EIF4E3: variants seen among roughly 807,000 people sequenced by gnomAD.
EIF4E3 encodes the protein eukaryotic translation initiation factor 4E type 3.
Under a neutral mutation model 31.7 loss-of-function variants are expected in EIF4E3, and 26 were observed. That is an observed-to-expected ratio of 0.82 (90% CI 0.60 to 1.14). The LOEUF (loss-of-function observed/expected upper bound fraction) is 1.14, where lower values mean the gene tolerates loss of function less well. Ranked by LOEUF, EIF4E3 falls within the 50% of genes most tolerant of loss-of-function variation. EIF4E3 has a pLI of 0.00. For missense variants in EIF4E3, 304 were observed against 270.9 expected (o/e 1.12, Z -0.86); for synonymous variants, 128 against 107.7 (o/e 1.19, Z -1.17).
At chr3:71,724,408 C>T (rs1228953901) in intron 1 of EIF4E3, among the ~76,000 whole-genome samples, 1 of 152,138 alleles carries the variant, frequency 6.6e-6, no homozygotes, top group African/African-American at 2.4e-5. Context: ...AATCCAGCTG[C>T]ATTAAGCATT....
the EIF4E3 span, among the ~76,000 whole-genome samples, chr3:71,669,331 C>A: frequency 6.6e-6 from 1 of 152,172 alleles, no homozygotes; most frequent in South Asian, 2.1e-4. Flanking sequence ...TAGCAAACCA[C>A]CATGGCACAT....
intron 1 of EIF4E3, among the ~76,000 whole-genome samples, chr3:71,746,435 G>A (rs553965475): frequency 6.6e-5 from 10 of 152,284 alleles, no homozygotes; most frequent in Admixed American, 2.0e-4. Flanking sequence ...CCCAAAGCAC[G>A]TAAACGTTAA....
At chr3:71,684,802 C>A in intron 6 of EIF4E3, 74 bp from the exon 7 acceptor site, 2 of 1,482,022 alleles carry the variant, frequency 1.3e-6, no homozygotes, top group Non-Finnish European at 1.8e-6. Context: ...CAACCCTCCT[C>A]TAGGCATCTC....
chr3:71,685,642 C>A (rs1324228661), intron 6 of EIF4E3, among the ~76,000 whole-genome samples: 2 of 152,154 alleles, frequency 1.3e-5, no homozygotes, highest in Non-Finnish European at 2.9e-5. Context: ...GGATTATAGG[C>A]GTGAGCCACC....
intron 1 of EIF4E3, among the ~76,000 whole-genome samples, chr3:71,738,655 A>C (rs1366390875): frequency 6.6e-6 from 1 of 152,166 alleles, no homozygotes. Context: ...CTCAAAATAC[A>C]TGAAGCAAAA....
Position 71,725,301 on chromosome 3 carries a change from C to A in EIF4E3, c.67G>T (p.Ala23Ser). The A allele has an allele frequency of 1.0e-6, 1 of 993,224 alleles. No homozygotes were observed. Among genetic ancestry groups the A allele is most frequent in the Non-Finnish European group, 1.2e-6 (1 of 835,304 alleles). 61.5% of individuals were successfully genotyped at this position (993,224 alleles called of 1,614,324 possible). A position where few individuals can be genotyped will look rare whatever the true frequency, so the allele number is the denominator to read the frequency against. ...AREPPGSRAA[A>S]AAAAPEPPLG... ...GGCGGCTCGGGGGCGGCGGCAGCGG[C>A]GGCGGCGCGGGACCCCGGCGGCTCC... Residue 23 changes from alanine (A) to serine (S), a missense_variant, in exon 1 of 7, where the codon GCC (alanine) becomes TCC (serine). Ala to Ser is a moderately conservative substitution (Grantham distance 99). Coordinates refer to ENST00000425534, the MANE Select transcript of EIF4E3 (RefSeq NM_001134651.2). This position sits in a 1 kb window ranked among gnomAD's most constrained non-coding sequence, Gnocchi z 6.1.
intron 1 of EIF4E3, among the ~76,000 whole-genome samples, chr3:71,745,776 G>C (rs1260505395): frequency 6.6e-6 from 1 of 152,166 alleles, no homozygotes; most frequent in South Asian, 2.1e-4. Flanking sequence ...TTAACCACTA[G>C]AGAGAGTTTA....
At chr3:71,728,605 GA>G, upstream of EIF4E3, 1 of 153,016 alleles carries the variant, frequency 6.5e-6, no homozygotes, top group Non-Finnish European at 1.5e-5. Context: ...GAGAGGAAGA[GA>G]AGGTGACCCC....
chr3:71,738,907 C>T (rs2049791224), intron 1 of EIF4E3, among the ~76,000 whole-genome samples: 1 of 145,420 alleles, frequency 6.9e-6, no homozygotes, highest in South Asian at 2.2e-4. Flanking sequence ...TAAAACAAAA[C>T]TTAACAAATG....
intron 4 of EIF4E3, among the ~76,000 whole-genome samples, chr3:71,694,974 T>C (rs536873450): frequency 4.7e-4 from 72 of 152,312 alleles, no homozygotes; most frequent in African/African-American, 1.5e-3. Context: ...TAATAGTGTG[T>C]ATTATTATGT....
Position 71,678,311 on chromosome 3 carries a change from G to A in EIF4E3, c.*6371C>T, listed in dbSNP as rs913674542. Reference sequence around the variant, plus strand: ...AGATTACAAAAGATCTCAAAATAAAGTTCTACAAACTAACACTTAAACAAA... The same window carrying A: ...AGATTACAAAAGATCTCAAAATAAAATTCTACAAACTAACACTTAAACAAA... On this transcript the variant is annotated 3_prime_UTR_variant, in exon 7 of 7. Coordinates refer to ENST00000425534, the MANE Select transcript of EIF4E3 (RefSeq NM_001134651.2). 1 of 152,104 alleles carries A rather than the reference G, an allele frequency of 6.6e-6. No homozygotes were observed. The highest frequency in any genetic ancestry group is 2.4e-5 in the African/African-American group (1 of 41,426). The allele number at this position is 152,104 out of a possible 1,614,324, so 9.4% of individuals were successfully genotyped here. A position where few individuals can be genotyped will look rare whatever the true frequency, so the allele number is the denominator to read the frequency against.
chr3:71,738,775 C>A (rs142259474), intron 1 of EIF4E3, among the ~76,000 whole-genome samples: 78 of 151,738 alleles, frequency 5.1e-4, no homozygotes, highest in African/African-American at 1.8e-3. Context: ...CAAGGATATA[C>A]AAGAAATGAA....
chr3:71,733,744 T>C (rs750312652), intron 1 of EIF4E3, among the ~76,000 whole-genome samples: 2 of 152,216 alleles, frequency 1.3e-5, no homozygotes, highest in Non-Finnish European at 2.9e-5. Context: ...CATTAAAGTG[T>C]AGATTGAAAT....
At chr3:71,665,824 C>T in the EIF4E3 span, among the ~76,000 whole-genome samples, 17 of 152,256 alleles carry the variant, frequency 1.1e-4, 1 homozygote, top group South Asian at 2.9e-3. Flanking sequence ...TACATGGAAA[C>T]GGAACAACCT....
the EIF4E3 span, among the ~76,000 whole-genome samples, chr3:71,659,683 AG>A: frequency 1.3e-5 from 2 of 152,204 alleles, no homozygotes; most frequent in African/African-American, 4.8e-5. Context: ...AAAACAATAA[AG>A]GTTCACCAAT....
In EIF4E3 at chr3:71,679,319, C is replaced by G. The variant is rs146280003; in HGVS notation, c.*5363G>C. On this transcript the variant is annotated 3_prime_UTR_variant, in exon 7 of 7. Coordinates refer to ENST00000425534, the MANE Select transcript of EIF4E3 (RefSeq NM_001134651.2). The stretch of plus-strand genomic sequence containing the variant: ...GTTCAGTTCTATAATGCAAAGTTGA[C>G]ACTTTAATAGATCCGAAATAAACAT... 52 of 152,272 alleles carry G rather than the reference C, an allele frequency of 3.4e-4. No individual in the cohort carries two copies. In the East Asian group the frequency reaches 8.1e-3, roughly 24 times the overall value. 9.4% of individuals were successfully genotyped at this position (152,272 alleles called of 1,614,324 possible).
In EIF4E3 at chr3:71,693,872, T is replaced by C. The variant is rs747801303; in HGVS notation, c.472+3A>G. 1.3e-6 allele frequency: 2 copies of C among 1,560,482 alleles called. No individual in the cohort carries two copies. The highest frequency in any genetic ancestry group is 8.7e-7 in the Non-Finnish European group (1 of 1,153,708). On this transcript the variant is annotated splice_donor_region_variant and intron_variant, in intron 5 of 6. Transcript: ENST00000425534. ...GGCCGGCCGGAGCCGTGGGCTGCTT[T>C]ACCTGCTGCGGCACAGTCTGTGAAC...
At chr3:71,666,992 C>A in the EIF4E3 span, among the ~76,000 whole-genome samples, 3 of 151,928 alleles carry the variant, frequency 2.0e-5, no homozygotes, top group Non-Finnish European at 2.9e-5. Flanking sequence ...AACATCAATG[C>A]GAAAATCCTC....
chr3:71,738,536 T>A (rs774307637), intron 1 of EIF4E3, among the ~76,000 whole-genome samples: 5 of 152,012 alleles, frequency 3.3e-5, no homozygotes, highest in Non-Finnish European at 7.4e-5. Context: ...TAAAGCAGAT[T>A]TTAGAGTAAA....
Sources: allele counts gnomAD v4.1 joint callset (sites outside exome capture counted in the v4.1 genomes callset), GRCh38; gene constraint gnomAD v4.1.1; non-coding constraint Gnocchi (gnomAD v3.1); transcripts MANE v1.5; gene names NCBI Gene and HGNC (gene_info 2026-07-23, HGNC 2026-07-21).